The following ENAH variants were observed in gnomAD, a reference collection of about 807,000 sequenced individuals.
ENAH encodes ENAH actin regulator.
Under a neutral mutation model 78.7 loss-of-function variants are expected in ENAH, and 23 were observed. That is an observed-to-expected ratio of 0.29 (90% CI 0.21 to 0.41). The LOEUF is 0.41. ENAH is among the 10% of genes least tolerant of loss of function. ENAH has a pLI of 1.00. For synonymous variants in ENAH, 226 were observed against 241.0 expected (o/e 0.94, Z 0.58); for missense variants, 544 against 691.0 (o/e 0.79, Z 2.39).
intron 1 of ENAH, among the ~76,000 whole-genome samples, chr1:225,604,621 C>CA (rs762454618): frequency 0.1 from 8,889 of 88,794 alleles, 384 homozygotes; most frequent in Middle Eastern, 0.17. Flanking sequence ...CCGTCTCTAC[C>CA]AAAAAAAAAA....
At chr1:225,635,370 T>C (rs1264613634) in intron 1 of ENAH, among the ~76,000 whole-genome samples, 1 of 152,212 alleles carries the variant, frequency 6.6e-6, no homozygotes, top group African/African-American at 2.4e-5. Flanking sequence ...TTTTTTTCAG[T>C]TGTTTATCGT....
intron 12 of ENAH, among the ~76,000 whole-genome samples, chr1:225,499,587 G>A (rs1053636255): frequency 3.9e-5 from 6 of 152,116 alleles, no homozygotes; most frequent in Middle Eastern, 3.4e-3. Flanking sequence ...CAGGAGAATC[G>A]CTTGAACCCG....
intron 1 of ENAH, among the ~76,000 whole-genome samples, chr1:225,592,899 ACAGC>A (rs1371937548): frequency 6.6e-6 from 1 of 152,134 alleles, no homozygotes; most frequent in African/African-American, 2.4e-5. Flanking sequence ...GTCCTGAAAA[ACAGC>A]CTGTCCACTA....
intron 10 of ENAH, among the ~76,000 whole-genome samples, chr1:225,510,699 TAAAAAAAAA>T (rs770906084): frequency 9.4e-6 from 1 of 106,046 alleles, no homozygotes; most frequent in Non-Finnish European, 2.0e-5. Context: ...CAGAGGTACT[TAAAAAAAAA>T]AAAAAAAAAA....
chr1:225,514,984 T>G, intron 6 of ENAH, 84 bp from the exon 7 acceptor site: 1 of 1,130,802 alleles, frequency 8.8e-7, no homozygotes, highest in Non-Finnish European at 1.3e-6. Flanking sequence ...CAGAATGCCA[T>G]GCTAAATTAA....
intron 1 of ENAH, among the ~76,000 whole-genome samples, chr1:225,619,366 AACCCTGTTTCT>A (rs1656387193): frequency 1.3e-5 from 2 of 152,236 alleles, no homozygotes; most frequent in African/African-American, 4.8e-5. Flanking sequence ...AACATGGTAA[AACCCTGTTTCT>A]ACTAAAAAAT....
In ENAH at chr1:225,519,485, T is replaced by G; in HGVS notation, c.515A>C (p.Glu172Ala). Reference sequence around the variant, plus strand: ...CCTTTCCCTTTCTAACCTCTCTCTCTCCAACCTTTCTCTTTCCATTCTTTC... The same window carrying G: ...CCTTTCCCTTTCTAACCTCTCTCTCGCCAACCTTTCTCTTTCCATTCTTTC... ...ERERMERERL[E>A]RERLERERLE... Residue 172 changes from glutamate (E) to alanine (A), a missense_variant, in exon 5 of 14, where the codon GAG becomes GCG. Transcript: ENST00000366843. 1 of 1,610,558 alleles carries G rather than the reference T, an allele frequency of 6.2e-7. No homozygotes were observed. Among genetic ancestry groups the G allele is most frequent in the Non-Finnish European group, 8.5e-7 (1 of 1,178,238 alleles).
intron 2 of ENAH, among the ~76,000 whole-genome samples, chr1:225,563,606 C>T (rs1300988415): frequency 3.3e-5 from 5 of 152,156 alleles, no homozygotes. Flanking sequence ...ATTACTAAGG[C>T]AAACAATGAT....
chr1:225,561,832 G>A (rs1002394672), intron 2 of ENAH, among the ~76,000 whole-genome samples: 2 of 151,926 alleles, frequency 1.3e-5, no homozygotes, highest in African/African-American at 4.8e-5. Flanking sequence ...CCATAACAGA[G>A]TAAACAGTGC....
At position 225,497,666 on chromosome 1, in the gene ENAH, A is replaced by C. The variant is rs1214770122; in HGVS notation, c.*109T>G. The C allele has an allele frequency of 5.3e-6, 6 of 1,125,500 alleles. No individual in the cohort carries two copies. The allele number at this position is 1,125,500 out of a possible 1,614,324, so 69.7% of individuals were successfully genotyped here. ...TTTTTCCCTCCTTCTGTTTGTCTCC[A>C]TTTTCTTCTTACAGCTCATAAATGT... On this transcript the variant is annotated 3_prime_UTR_variant, in exon 14 of 14. Transcript: ENST00000366843.
intron 4 of ENAH, among the ~76,000 whole-genome samples, chr1:225,523,991 T>C (rs1658978125): frequency 6.6e-6 from 1 of 152,248 alleles, no homozygotes; most frequent in South Asian, 2.1e-4. Flanking sequence ...TACTTTAATT[T>C]TTCTTTTAAG....
chr1:225,567,518 T>C (rs368935991), intron 1 of ENAH, 104 bp from the exon 2 acceptor site: 1 of 1,134,464 alleles, frequency 8.8e-7, no homozygotes. Flanking sequence ...TCAGTGCTGT[T>C]ATTGGGTGCT....
chr1:225,550,884 C>CT (rs141192460), intron 3 of ENAH, among the ~76,000 whole-genome samples: 18 of 151,948 alleles, frequency 1.2e-4, no homozygotes, highest in South Asian at 6.2e-4. Context: ...ATATAATTTT[C>CT]TTTTTTTTGG....
intron 1 of ENAH, among the ~76,000 whole-genome samples, chr1:225,646,213 T>C (rs527292929): frequency 1.3e-5 from 2 of 151,604 alleles, no homozygotes; most frequent in African/African-American, 4.8e-5. Flanking sequence ...TGAACTGTGT[T>C]CCCCTAAAAT....
At chr1:225,551,432 G>A (rs1172896352) in intron 3 of ENAH, among the ~76,000 whole-genome samples, 1 of 152,106 alleles carries the variant, frequency 6.6e-6, no homozygotes, top group Non-Finnish European at 1.5e-5. Context: ...AAAATTTGAG[G>A]ACGTAGGGGA....
Position 225,521,071 on chromosome 1 carries a change from G to C in ENAH, c.435-1506C>G, listed in dbSNP as rs565998350. On this transcript the variant is annotated intron_variant, in intron 4 of 13. Coordinates refer to ENST00000366843, the MANE Select transcript of ENAH (RefSeq NM_018212.6). ...ACGCACGCGCGCGCACACACACACA[G>C]AGTTATCCTAAGGCACTTAGTTCAG... Among the ~76,000 whole-genome samples the C allele has an allele frequency of 8.0e-4, 121 of 151,752 alleles. 1 individual carries two copies. The highest frequency in any genetic ancestry group is 7.1e-3 in the South Asian group (34 of 4,818).
In ENAH at chr1:225,494,316, A is replaced by C. The variant is rs531522245; in HGVS notation, c.*3459T>G. ...TAATAGAGAAAAAGTACTACTGCTTATATGTAGGTTTTAAGAAATCAGCAT... is the reference window on the plus strand; with the variant it reads ...TAATAGAGAAAAAGTACTACTGCTTCTATGTAGGTTTTAAGAAATCAGCAT... On this transcript the variant is annotated 3_prime_UTR_variant, in exon 14 of 14. Transcript: ENST00000366843. 2 of 152,264 alleles carry C rather than the reference A, an allele frequency of 1.3e-5. No homozygotes were observed. Among genetic ancestry groups the C allele is most frequent in the South Asian group, 2.1e-4 (1 of 4,826 alleles). The allele number at this position is 152,264 out of a possible 1,614,324, so 9.4% of individuals were successfully genotyped here.
chr1:225,504,658 A>G (rs895660716), intron 11 of ENAH, among the ~76,000 whole-genome samples: 2 of 152,238 alleles, frequency 1.3e-5, no homozygotes, highest in Non-Finnish European at 2.9e-5. Context: ...ATGTTCCAGT[A>G]ACAGATGGAA....
chr1:225,545,639 C>G (rs1354540133), intron 3 of ENAH, among the ~76,000 whole-genome samples: 3 of 152,144 alleles, frequency 2.0e-5, no homozygotes, highest in African/African-American at 2.4e-5. Context: ...ATAATCCAGA[C>G]AGCTAGATTA....
Sources: allele counts gnomAD v4.1 joint callset (sites outside exome capture counted in the v4.1 genomes callset), GRCh38; gene constraint gnomAD v4.1.1; transcripts MANE v1.5; gene names NCBI Gene and HGNC (gene_info 2026-07-23, HGNC 2026-07-21).